DDX10: variants seen among roughly 807,000 people sequenced by gnomAD.
DDX10 encodes probable ATP-dependent RNA helicase DDX10.
A neutral mutation model predicts 104.3 loss-of-function variants in DDX10; 74 were observed. That is an observed-to-expected ratio of 0.71 (90% CI 0.59 to 0.86). The LOEUF (loss-of-function observed/expected upper bound fraction) is 0.86. DDX10 is among the 40% of genes least tolerant of loss of function. The pLI is 0.00. For synonymous variants in DDX10, 351 were observed against 353.4 expected, an observed-to-expected ratio of 0.99 and a Z score of 0.08; for missense variants, 952 against 1,040.0, an observed-to-expected ratio of 0.92 and a Z score of 1.16.
intron 16 of DDX10, among the ~76,000 whole-genome samples, chr11:108,870,485 C>G (rs946872801): frequency 6.6e-6 from 1 of 152,186 alleles, no homozygotes; most frequent in South Asian, 2.1e-4. Context: ...ACTGTTCTGT[C>G]ACTAACTCTC....
At chr11:108,677,033 A>G in intron 3 of DDX10, 52 bp from the exon 4 acceptor site, 2 of 1,552,260 alleles carry the variant, frequency 1.3e-6, no homozygotes, top group South Asian at 1.2e-5. Flanking sequence ...GATGCAGGTC[A>G]AAAAGCTGAC....
At chr11:108,677,029 G>C (rs2134438933) in intron 3 of DDX10, 56 bp from the exon 4 acceptor site, 3 of 1,541,054 alleles carry the variant, frequency 1.9e-6, no homozygotes, top group African/African-American at 1.4e-5. Context: ...TTGAGATGCA[G>C]GTCAAAAAGC....
At position 108,766,336 on chromosome 11, in the gene DDX10, CTTAA is replaced by C. The variant is rs556316106; in HGVS notation, c.1965+42877_1965+42880del. Among the ~76,000 whole-genome samples, 7 of 152,292 alleles carry C rather than the reference CTTAA, an allele frequency of 4.6e-5. No individual in the cohort carries two copies. The South Asian group carries it at 1.0e-3, about 23-fold the overall frequency. On this transcript the variant is annotated intron_variant, in intron 13 of 17. Transcript: ENST00000322536. Reference sequence around the variant, plus strand: ...GTCTTACCTGTAACTTTGTTTCTGTCTTAATTGTCATCATGAGAATAAGGTAGCG... The same window carrying C: ...GTCTTACCTGTAACTTTGTTTCTGTCTTGTCATCATGAGAATAAGGTAGCG...
intron 1 of DDX10, among the ~76,000 whole-genome samples, chr11:108,672,113 T>C (rs1299095021): frequency 6.6e-6 from 1 of 151,196 alleles, no homozygotes. Context: ...TTTTCTGTTG[T>C]AATGCTTGAT....
intron 13 of DDX10, among the ~76,000 whole-genome samples, chr11:108,730,330 C>G (rs1025600426): frequency 6.6e-6 from 1 of 152,176 alleles, no homozygotes; most frequent in African/African-American, 2.4e-5. Flanking sequence ...CTGAAAGTCT[C>G]GTAGAAAAGT....
intron 13 of DDX10, among the ~76,000 whole-genome samples, chr11:108,769,901 C>T (rs1394592353): frequency 1.3e-5 from 2 of 152,058 alleles, no homozygotes; most frequent in Non-Finnish European, 2.9e-5. Context: ...TCATAACATG[C>T]TAACATAAAA....
intron 10 of DDX10, 109 bp downstream of exon 10, chr11:108,706,946 G>T (rs748960795): frequency 1.2e-6 from 1 of 856,192 alleles, no homozygotes; most frequent in Non-Finnish European, 1.9e-6. Context: ...TCAACTGCCT[G>T]GTTTGACTTT....
At chr11:108,932,134 G>A (rs1863983031) in intron 17 of DDX10, among the ~76,000 whole-genome samples, 1 of 151,956 alleles carries the variant, frequency 6.6e-6, no homozygotes, top group African/African-American at 2.4e-5. Flanking sequence ...CAGTGGTAAA[G>A]CAACCGTAGA....
In DDX10 at chr11:108,675,626, C is replaced by G; in HGVS notation, c.278C>G (p.Thr93Ser). ...CAAGAAGCTCAGTACCGTTTGGTGA[C>G]TGAGATACAGAAGCAGACCATTGGA... ...GLQEAQYRLV[T>S]EIQKQTIGLA... Residue 93 changes from threonine to serine, a missense_variant, in exon 3 of 18, where the codon ACT becomes AGT. By Grantham distance (58) the Thr-to-Ser change is moderately conservative. Coordinates refer to ENST00000322536, the MANE Select transcript of DDX10 (RefSeq NM_004398.4). 2 of 1,614,120 alleles carry G rather than the reference C, an allele frequency of 1.2e-6. No homozygotes were observed. Among genetic ancestry groups the G allele is most frequent in the Non-Finnish European group, 1.7e-6 (2 of 1,180,004 alleles).
chr11:108,687,602 C>T (rs574670105), intron 6 of DDX10, among the ~76,000 whole-genome samples: 17 of 152,124 alleles, frequency 1.1e-4, no homozygotes, highest in African/African-American at 4.1e-4. Flanking sequence ...GATTTTTGGC[C>T]TCCTTCCCCC....
In DDX10 at chr11:108,702,441, G is replaced by A. The variant is rs372081958; in HGVS notation, c.1224-4298G>A. On this transcript the variant is annotated intron_variant, in intron 9 of 17. Coordinates refer to ENST00000322536, the MANE Select transcript of DDX10 (RefSeq NM_004398.4). ...GGGTGGCTAGGCAGTTGTGAATAGCGTATCACAGACCATGGTAGGACAATA... is the reference window on the plus strand; with the variant it reads ...GGGTGGCTAGGCAGTTGTGAATAGCATATCACAGACCATGGTAGGACAATA... Among the ~76,000 whole-genome samples the A allele has an allele frequency of 4.6e-5, 7 of 152,272 alleles. No individual in the cohort carries two copies. The South Asian group carries it at 6.2e-4, about 14-fold the overall frequency.
At chr11:108,847,148 C>T (rs1447601366) in intron 15 of DDX10, among the ~76,000 whole-genome samples, 2 of 152,192 alleles carry the variant, frequency 1.3e-5, no homozygotes, top group Non-Finnish European at 2.9e-5. Context: ...ACAGCAAAAG[C>T]TGTAACATTT....
At chr11:108,782,819 T>A (rs1861724788) in intron 13 of DDX10, among the ~76,000 whole-genome samples, 1 of 151,864 alleles carries the variant, frequency 6.6e-6, no homozygotes, top group Admixed American at 6.6e-5. Context: ...GAAAGAAGGG[T>A]AGGAGGAAAG....
intron 10 of DDX10, among the ~76,000 whole-genome samples, chr11:108,708,210 T>TA (rs10602059): frequency 0.048 from 6,129 of 127,140 alleles, 237 homozygotes; most frequent in African/African-American, 0.1. Context: ...TTTACTGAGT[T>TA]AAAAAAAAAA....
At chr11:108,867,438 C>T (rs190763202) in intron 16 of DDX10, among the ~76,000 whole-genome samples, 2 of 152,150 alleles carry the variant, frequency 1.3e-5, no homozygotes, top group African/African-American at 2.4e-5. Flanking sequence ...CAATTTAGGC[C>T]AATAATTTTT....
chr11:108,666,167 C>T (rs544695994), intron 1 of DDX10, among the ~76,000 whole-genome samples: 2 of 152,304 alleles, frequency 1.3e-5, no homozygotes, highest in African/African-American at 4.8e-5. Flanking sequence ...TAGTGCAGTA[C>T]AATCAGGGAT....
At chr11:108,667,082 G>T (rs1233736734) in intron 1 of DDX10, among the ~76,000 whole-genome samples, 3 of 152,104 alleles carry the variant, frequency 2.0e-5, no homozygotes, top group African/African-American at 7.2e-5. Flanking sequence ...ATCATCTCTT[G>T]CCTGGATTAC....
chr11:108,782,477 G>A lies in DDX10; in HGVS notation c.1966-55969G>A, dbSNP rs185197692. Among the ~76,000 whole-genome samples, 232 of 152,112 alleles carry A rather than the reference G, an allele frequency of 1.5e-3. 1 individual carries two copies. Among genetic ancestry groups the A allele is most frequent in the Non-Finnish European group, 2.7e-3 (185 of 67,984 alleles). Reference sequence around the variant, plus strand: ...ATCCCTTTCTGCATGCTTCTGTTCAGTACATTTTATTAATCTGTTGGAATG... The same window carrying A: ...ATCCCTTTCTGCATGCTTCTGTTCAATACATTTTATTAATCTGTTGGAATG... On this transcript the variant is annotated intron_variant, in intron 13 of 17. Coordinates refer to ENST00000322536, the MANE Select transcript of DDX10 (RefSeq NM_004398.4).
chr11:108,778,223 C>G (rs979260300), intron 13 of DDX10, among the ~76,000 whole-genome samples: 2 of 152,128 alleles, frequency 1.3e-5, no homozygotes, highest in African/African-American at 4.8e-5. Flanking sequence ...CAAAAAAGAG[C>G]CTGCATTGCC....
Sources: allele counts gnomAD v4.1 joint callset (sites outside exome capture counted in the v4.1 genomes callset), GRCh38; gene constraint gnomAD v4.1.1; transcripts MANE v1.5; gene names NCBI Gene and HGNC (gene_info 2026-07-23, HGNC 2026-07-21).